Variants in IPO5 observed in about 807,000 individuals in gnomAD.
IPO5 encodes importin-5.
IPO5 carries 18 observed loss-of-function variants against 143.3 expected under a neutral mutation model. The observed-to-expected ratio is 0.13, with a 90% CI of 0.09 to 0.19. The LOEUF is 0.19. Among genes scored for constraint, IPO5 ranks in the 10% least tolerant of loss-of-function variants. IPO5 has a pLI of 1.00. For synonymous variants in IPO5, 477 were observed against 465.7 expected (o/e 1.02, Z -0.31); for missense variants, 1,013 against 1,336.9 (o/e 0.76, Z 3.78).
At chr13:97,969,578 G>T (rs981586348) in intron 2 of IPO5, 145 bp from the exon 3 acceptor site, 6 of 592,976 alleles carry the variant, frequency 1.0e-5, no homozygotes, top group African/African-American at 9.8e-5. Context: ...TCAAGAAAAG[G>T]TATTTTTATT....
Position 97,995,191 on chromosome 13 carries a change from T to G in IPO5, c.913+1966T>G, listed in dbSNP as rs184948396. ...TCTTTCTTTCTTTGTTTTTTTTTTTTTTGTTTGTTTAATAGGTTTATGGGG... is the reference window on the plus strand; with the variant it reads ...TCTTTCTTTCTTTGTTTTTTTTTTTGTTGTTTGTTTAATAGGTTTATGGGG... On this transcript the variant is annotated intron_variant, in intron 11 of 28. Transcript: ENST00000651721. 9.2e-3 allele frequency among the ~76,000 whole-genome samples: 1,361 copies of G among 148,702 alleles called. 14 individuals carry two copies. The highest frequency in any genetic ancestry group is 0.015 in the Non-Finnish European group (1,025 of 67,562).
Position 97,985,680 on chromosome 13 carries a change from T to C in IPO5, c.364+67T>C, listed in dbSNP as rs573269314. On this transcript the variant is annotated intron_variant, in intron 6 of 28. Coordinates refer to ENST00000651721, the MANE Select transcript of IPO5 (RefSeq NM_002271.6). ...TATCCTTCCTTTTTTTTTTTTTTAATGGAATCTTTTAGAGTAAGATTCATA... is the reference window on the plus strand; with the variant it reads ...TATCCTTCCTTTTTTTTTTTTTTAACGGAATCTTTTAGAGTAAGATTCATA... 60 of 886,520 alleles carry C rather than the reference T, an allele frequency of 6.8e-5. No individual in the cohort carries two copies. In the South Asian group the frequency reaches 8.8e-4, roughly 13 times the overall value. 54.9% of individuals were successfully genotyped at this position (886,520 alleles called of 1,614,324 possible).
Position 98,019,649 on chromosome 13 carries a change from A to G in IPO5, c.2905A>G (p.Thr969Ala). The G allele has an allele frequency of 6.2e-7, 1 of 1,614,132 alleles. No individual in the cohort carries two copies. The highest frequency in any genetic ancestry group is 1.7e-5 in the Admixed American group (1 of 60,024). The change falls in exon 27 of 29, where the codon ACA (threonine) becomes GCA (alanine). Residue 969 changes from threonine (T) to alanine (A), a missense_variant. Coordinates refer to ENST00000651721, the MANE Select transcript of IPO5 (RefSeq NM_002271.6). ...DSKTKENVNA[T>A]ENCISAVGKI... ...TAAGACCAAAGAAAATGTCAATGCT[A>G]CAGAGAACTGCATCTCAGCAGTAGG...
At chr13:97,991,377 C>T (rs746687314) in intron 9 of IPO5, among the ~76,000 whole-genome samples, 10 of 152,122 alleles carry the variant, frequency 6.6e-5, no homozygotes, top group Non-Finnish European at 1.2e-4. Context: ...ATAGCTAAAA[C>T]TGGACTAATA....
chr13:98,019,989 G>T, intron 27 of IPO5, 180 bp downstream of exon 27: 1 of 500,204 alleles, frequency 2.0e-6, no homozygotes, highest in Non-Finnish European at 3.5e-6. Context: ...AGTTAACATT[G>T]CCCTTATAAT....
chr13:97,981,301 T>C (rs1173171640), intron 4 of IPO5: 1 of 454,522 alleles, frequency 2.2e-6, no homozygotes, highest in Admixed American at 2.4e-5. Flanking sequence ...ACTGGTTGTT[T>C]AATGAAGTGA....
chr13:98,013,847 T>C (rs1035695003), intron 21 of IPO5, among the ~76,000 whole-genome samples, 195 bp from the exon 22 acceptor site: 5 of 152,200 alleles, frequency 3.3e-5, no homozygotes, highest in Non-Finnish European at 5.9e-5. Context: ...GCTGGACTCA[T>C]TCCTGCCACT....
intron 18 of IPO5, among the ~76,000 whole-genome samples, chr13:98,009,676 T>C (rs896678884): frequency 1.3e-5 from 2 of 152,218 alleles, no homozygotes; most frequent in Admixed American, 6.5e-5. Context: ...TCACCTGCTG[T>C]CCATATCCCA....
intron 27 of IPO5, 28 bp from the exon 28 acceptor site, chr13:98,020,964 T>G: frequency 1.9e-6 from 3 of 1,576,400 alleles, no homozygotes; most frequent in Non-Finnish European, 2.6e-6. Flanking sequence ...TAAATTTCAC[T>G]TACTAAGGTT....
At chr13:97,972,954 C>A (rs905496982) in intron 3 of IPO5, among the ~76,000 whole-genome samples, 5 of 152,062 alleles carry the variant, frequency 3.3e-5, no homozygotes, top group African/African-American at 1.2e-4. Flanking sequence ...TTACCTTCCA[C>A]CATTTGATCT....
At chr13:97,995,302 T>A (rs1888179965) in intron 11 of IPO5, among the ~76,000 whole-genome samples, 1 of 151,548 alleles carries the variant, frequency 6.6e-6, no homozygotes, top group Admixed American at 6.6e-5. Context: ...CATTGTGTAG[T>A]CTTTTATCCC....
At chr13:98,010,350 T>C in intron 20 of IPO5, 126 bp downstream of exon 20, 1 of 852,786 alleles carries the variant, frequency 1.2e-6, no homozygotes, top group Non-Finnish European at 1.8e-6. Flanking sequence ...AAAAGTAAAG[T>C]TTTCTTTCCA....
chr13:98,007,974 A>C (rs1241593035), intron 17 of IPO5, 85 bp from the exon 18 acceptor site: 2 of 734,176 alleles, frequency 2.7e-6, no homozygotes, highest in African/African-American at 1.7e-5. Context: ...TGGGCAATGT[A>C]GTCGATTTTT....
At chr13:98,020,965 T>TA (rs754648859) in intron 27 of IPO5, 27 bp from the exon 28 acceptor site, 5 of 1,579,138 alleles carry the variant, frequency 3.2e-6, no homozygotes, top group Middle Eastern at 1.7e-4. Flanking sequence ...AAATTTCACT[T>TA]ACTAAGGTTT....
chr13:98,000,296 A>AG (rs1555308887), intron 12 of IPO5, among the ~76,000 whole-genome samples: 1 of 152,088 alleles, frequency 6.6e-6, no homozygotes, highest in East Asian at 1.9e-4. Flanking sequence ...AAAAAAAAAA[A>AG]GAAAAATAAG....
chr13:97,980,208 A>G (rs1594053419), intron 4 of IPO5, among the ~76,000 whole-genome samples: 1 of 152,208 alleles, frequency 6.6e-6, no homozygotes, highest in Non-Finnish European at 1.5e-5. Flanking sequence ...AAAAGTTACC[A>G]TCCCTGTCTG....
chr13:97,992,676 T>C (rs1033811888), intron 9 of IPO5, among the ~76,000 whole-genome samples: 2 of 152,238 alleles, frequency 1.3e-5, no homozygotes, highest in African/African-American at 2.4e-5. Flanking sequence ...TTGACTTAGA[T>C]GTAAATCTGT....
chr13:97,999,048 G>A (rs1031390172), intron 12 of IPO5, among the ~76,000 whole-genome samples: 8 of 152,058 alleles, frequency 5.3e-5, no homozygotes, highest in Middle Eastern at 3.2e-3. Flanking sequence ...GAAGCTAAGC[G>A]AGGAGAATCT....
chr13:97,975,850 G>A, intron 3 of IPO5: 4 of 926,182 alleles, frequency 4.3e-6, no homozygotes, highest in Non-Finnish European at 3.9e-6. Context: ...GGGCGGCCTG[G>A]CGGGACAGCC....
Sources: gnomAD v4.1 joint callset for allele counts (sites outside exome capture counted in the v4.1 genomes callset) on GRCh38, gnomAD v4.1.1 for gene constraint, MANE v1.5 for transcripts, NCBI Gene and HGNC (gene_info 2026-07-23, HGNC 2026-07-21) for gene names.